The following WWOX variants were observed in gnomAD, a reference collection of about 807,000 sequenced individuals.
WWOX encodes the protein WW domain-containing oxidoreductase.
In WWOX, 69 loss-of-function variants were observed where a neutral mutation model predicts 46.2. The ratio of observed to expected loss-of-function variants is 1.49; its 90% CI spans 1.23 to 1.82. WWOX has a LOEUF of 1.82. Ranked by LOEUF, WWOX falls within the 40% of genes most tolerant of loss-of-function variation. WWOX has a pLI of 0.00. For missense variants in WWOX, 919 were observed against 542.6 expected (o/e 1.69, Z -6.89); for synonymous variants, 359 against 202.6 (o/e 1.77, Z -6.56).
intron 6 of WWOX, among the ~76,000 whole-genome samples, chr16:78,396,000 T>A (rs1597159813): frequency 6.6e-6 from 1 of 152,158 alleles, no homozygotes; most frequent in Admixed American, 6.5e-5. Context: ...ATACTAGGAA[T>A]CCTTAAGTAC....
At chr16:78,630,391 T>C (rs1298131081) in intron 8 of WWOX, among the ~76,000 whole-genome samples, 1 of 152,128 alleles carries the variant, frequency 6.6e-6, no homozygotes, top group African/African-American at 2.4e-5. Context: ...GTACCAAAAA[T>C]AGGGCTCATG....
chr16:78,975,338 G>T (rs1387411676), intron 8 of WWOX, among the ~76,000 whole-genome samples: 1 of 152,098 alleles, frequency 6.6e-6, no homozygotes, highest in Admixed American at 6.6e-5. Flanking sequence ...GGGGGTAGAG[G>T]CCGGGGATAG....
intron 8 of WWOX, chr16:78,691,171 G>A (rs1597450979): frequency 1.4e-6 from 1 of 693,924 alleles, no homozygotes; most frequent in East Asian, 2.7e-5. Context: ...CCCAGTGTTT[G>A]TGCGATAAGA....
intron 8 of WWOX, among the ~76,000 whole-genome samples, chr16:79,161,569 C>G (rs962742578): frequency 6.6e-6 from 1 of 152,176 alleles, no homozygotes; most frequent in Non-Finnish European, 1.5e-5. Flanking sequence ...ATTGCCCAGG[C>G]TGGAGTGCAG....
intron 8 of WWOX, chr16:79,205,497 G>C (rs2150842543): frequency 6.6e-6 from 1 of 152,340 alleles, no homozygotes; most frequent in East Asian, 1.9e-4. Flanking sequence ...GGAGGGCTAA[G>C]AGTTGGCATG....
chr16:78,950,845 C>T lies in WWOX; in HGVS notation c.1057-260763C>T, dbSNP rs148332532. Among the ~76,000 whole-genome samples the T allele has an allele frequency of 3.9e-3, 591 of 152,232 alleles. 2 individuals carry two copies. Among genetic ancestry groups the T allele is most frequent in the African/African-American group, 0.013 (549 of 41,540 alleles). ...GAAAACCAGACTTTTGAAGCAGGGGCTCTGATTGTCTCTTCTTATTATAGT... is the reference window on the plus strand; with the variant it reads ...GAAAACCAGACTTTTGAAGCAGGGGTTCTGATTGTCTCTTCTTATTATAGT... On this transcript the variant is annotated intron_variant, in intron 8 of 8. Transcript: ENST00000566780.
chr16:78,740,983 A>C (rs1244985122), intron 8 of WWOX, among the ~76,000 whole-genome samples: 1 of 152,178 alleles, frequency 6.6e-6, no homozygotes, highest in Non-Finnish European at 1.5e-5. Flanking sequence ...CCCTTCTCTT[A>C]CAGGCCATGG....
chr16:78,799,114 A>C (rs568654234), intron 8 of WWOX, among the ~76,000 whole-genome samples: 1 of 151,908 alleles, frequency 6.6e-6, no homozygotes, highest in Non-Finnish European at 1.5e-5. Context: ...GATTACCTCC[A>C]CTTCATTATG....
chr16:78,669,748 C>G (rs1019441733), intron 8 of WWOX, among the ~76,000 whole-genome samples: 1 of 152,112 alleles, frequency 6.6e-6, no homozygotes, highest in Admixed American at 6.5e-5. Context: ...AATATGTGTT[C>G]CCTTGAAATT....
intron 8 of WWOX, among the ~76,000 whole-genome samples, chr16:78,631,108 C>A (rs1330267590): frequency 6.6e-6 from 1 of 152,094 alleles, no homozygotes; most frequent in African/African-American, 2.4e-5. Flanking sequence ...ACATTATATG[C>A]AAATACTATA....
chr16:78,821,485 C>T (rs912591134), intron 8 of WWOX, among the ~76,000 whole-genome samples: 9 of 152,186 alleles, frequency 5.9e-5, no homozygotes, highest in African/African-American at 2.2e-4. Context: ...TGATCCTGGC[C>T]TTTGTCCATT....
At chr16:79,161,127 G>A (rs2050478255) in intron 8 of WWOX, among the ~76,000 whole-genome samples, 1 of 152,166 alleles carries the variant, frequency 6.6e-6, no homozygotes, top group South Asian at 2.1e-4. Context: ...GGTTTGCCAT[G>A]GATTAGATAA....
chr16:78,284,575 C>A (rs1270938018), intron 5 of WWOX, among the ~76,000 whole-genome samples: 8 of 152,194 alleles, frequency 5.3e-5, no homozygotes, highest in African/African-American at 1.9e-4. Flanking sequence ...TGGACACAGT[C>A]TCATCTTTGA....
chr16:78,114,244 G>C (rs1258656940), intron 3 of WWOX, among the ~76,000 whole-genome samples: 1 of 151,902 alleles, frequency 6.6e-6, no homozygotes, highest in Admixed American at 6.6e-5. Context: ...GCGACTACAG[G>C]CGTGTGCTAT....
chr16:78,634,100 G>T (rs1485026370), intron 8 of WWOX, among the ~76,000 whole-genome samples: 2 of 152,112 alleles, frequency 1.3e-5, no homozygotes, highest in Non-Finnish European at 2.9e-5. Context: ...GGTTGGAGAT[G>T]CAGCTATATG....
At position 78,321,243 on chromosome 16, in the gene WWOX, T is replaced by A. The variant is rs115611200; in HGVS notation, c.517-65617T>A. Among the ~76,000 whole-genome samples the A allele has an allele frequency of 1.0e-2, 1,501 of 150,390 alleles. 36 individuals carry two copies. Among genetic ancestry groups the A allele is most frequent in the African/African-American group, 0.035 (1,410 of 40,738 alleles). On this transcript the variant is annotated intron_variant, in intron 5 of 8. Coordinates refer to ENST00000566780, the MANE Select transcript of WWOX (RefSeq NM_016373.4). ...ACTCCCTTGCTCCACAATTCTCTTT[T>A]GTTTAAGGCAACACGTAGGTTCTTA... is the stretch of plus-strand genomic sequence containing the variant.
intron 8 of WWOX, among the ~76,000 whole-genome samples, chr16:78,960,541 A>G (rs2151311485): frequency 6.6e-6 from 1 of 152,342 alleles, no homozygotes; most frequent in Non-Finnish European, 1.5e-5. Flanking sequence ...AGAAGGAAAT[A>G]TCTCCACAAG....
intron 6 of WWOX, among the ~76,000 whole-genome samples, chr16:78,406,303 A>AATATAAAT (rs1200192812): frequency 2.6e-4 from 15 of 57,818 alleles, no homozygotes; most frequent in East Asian, 7.5e-4. Context: ...TATAAATATA[A>AATATAAAT]ATATATATAT....
intron 5 of WWOX, among the ~76,000 whole-genome samples, chr16:78,367,484 C>T (rs929958514): frequency 4.6e-5 from 7 of 152,184 alleles, no homozygotes; most frequent in Admixed American, 1.3e-4. Context: ...CAAGATAATT[C>T]TTTGTCCAGT....
Sources: gnomAD v4.1 joint callset for allele counts (sites outside exome capture counted in the v4.1 genomes callset) on GRCh38, gnomAD v4.1.1 for gene constraint, MANE v1.5 for transcripts, NCBI Gene and HGNC (gene_info 2026-07-23, HGNC 2026-07-21) for gene names.